The following PCDHGB6 variants were observed in gnomAD, a reference collection of about 807,000 sequenced individuals.
PCDHGB6 encodes the protein protocadherin gamma subfamily B, 6, also known as protocadherin gamma-B6.
Under a neutral mutation model 59.1 loss-of-function variants are expected in PCDHGB6, and 51 were observed. The ratio of observed to expected loss-of-function variants is 0.86; its 90% CI spans 0.69 to 1.09. The LOEUF (loss-of-function observed/expected upper bound fraction) is 1.09. Ranked by LOEUF, PCDHGB6 falls within the 50% of genes least tolerant of loss-of-function variation. The pLI is 0.00. For synonymous variants in PCDHGB6, 466 were observed against 495.1 expected (o/e 0.94, Z 0.78); for missense variants, 1,148 against 1,205.1 (o/e 0.95, Z 0.70).
chr5:141,503,418 A>G (rs1037754214), intron 2 of PCDHGB6, among the ~76,000 whole-genome samples: 1 of 151,528 alleles, frequency 6.6e-6, no homozygotes, highest in Admixed American at 6.6e-5. Context: ...AATATGGTGA[A>G]ACCCCATCTC....
chr5:141,441,656 C>A, intron 1 of PCDHGB6: 1 of 247,684 alleles, frequency 4.0e-6, no homozygotes, highest in Non-Finnish European at 8.1e-6. Flanking sequence ...TCTAGGTGTC[C>A]TTGAGCGCAC....
At position 141,415,428 on chromosome 5, in the gene PCDHGB6, G is replaced by T. The variant is rs948747218; in HGVS notation, c.2418+4808G>T. 1.5e-5 allele frequency: 24 copies of T among 1,614,088 alleles called. No individual in the cohort carries two copies. In the Admixed American group the frequency reaches 1.7e-4, roughly 11 times the overall value. ...ACTTTGTGGGCGTGGACGGGGTTCG[G>T]GCTTTCCTGCAGACCTATTCCCACG... On this transcript the variant is annotated intron_variant, in intron 1 of 3. Transcript: ENST00000520790.
chr5:141,500,277 C>T (rs1595660442), intron 2 of PCDHGB6, among the ~76,000 whole-genome samples: 1 of 151,718 alleles, frequency 6.6e-6, no homozygotes, highest in Non-Finnish European at 1.5e-5. Context: ...GGCGCAATCT[C>T]GGCTCACTGC....
At position 141,431,896 on chromosome 5, in the gene PCDHGB6, C is replaced by A. The variant is rs1292629023; in HGVS notation, c.2418+21276C>A. The A allele has an allele frequency of 6.2e-7, 1 of 1,613,940 alleles. No homozygotes were observed. The highest frequency in any genetic ancestry group is 1.3e-5 in the African/African-American group (1 of 74,924). On this transcript the variant is annotated intron_variant, in intron 1 of 3. Coordinates refer to ENST00000520790, the MANE Select transcript of PCDHGB6 (RefSeq NM_018926.3). This position sits in a 1 kb window ranked among gnomAD's most constrained non-coding sequence, Gnocchi z 4.8. Reference sequence around the variant, plus strand: ...TAAATGACCAAGATTCTGAGGAAAACGGACAGGTGATCTGTTTCATCCAAG... The same window carrying A: ...TAAATGACCAAGATTCTGAGGAAAAAGGACAGGTGATCTGTTTCATCCAAG...
At chr5:141,480,059 T>G (rs1169389701) in intron 1 of PCDHGB6, among the ~76,000 whole-genome samples, 1 of 152,096 alleles carries the variant, frequency 6.6e-6, no homozygotes, top group African/African-American at 2.4e-5. Context: ...GAATAATAAG[T>G]GTTTTATAAG....
At chr5:141,470,428 T>A (rs974038419) in intron 1 of PCDHGB6, among the ~76,000 whole-genome samples, 1 of 152,254 alleles carries the variant, frequency 6.6e-6, no homozygotes, top group Non-Finnish European at 1.5e-5. Flanking sequence ...TTTTTCCTTG[T>A]GTGCAATAAT....
At chr5:141,464,407 A>C (rs996561936) in intron 1 of PCDHGB6, among the ~76,000 whole-genome samples, 1 of 151,544 alleles carries the variant, frequency 6.6e-6, no homozygotes, top group Non-Finnish European at 1.5e-5. Flanking sequence ...CCTGAGATAT[A>C]TATATATCTA....
chr5:141,494,778 CA>C (rs1228639033), intron 1 of PCDHGB6, 28 bp from the exon 2 acceptor site: 1 of 1,614,086 alleles, frequency 6.2e-7, no homozygotes, highest in Admixed American at 1.7e-5. Flanking sequence ...CACGGGTACT[CA>C]GCCCCTTTCC....
intron 1 of PCDHGB6, 134 bp from the exon 2 acceptor site, chr5:141,494,673 C>A: frequency 6.5e-7 from 1 of 1,542,992 alleles, no homozygotes; most frequent in South Asian, 1.2e-5. Flanking sequence ...GATGAGTCCA[C>A]CCCTGCCCCC....
chr5:141,441,057 A>T (rs2098222263), intron 1 of PCDHGB6: 2 of 152,152 alleles, frequency 1.3e-5, no homozygotes, highest in South Asian at 4.1e-4. Flanking sequence ...ACTTTTAAAG[A>T]TTTTTAATTT....
intron 1 of PCDHGB6, chr5:141,423,692 G>T: frequency 7.1e-7 from 1 of 1,405,756 alleles, no homozygotes; most frequent in Non-Finnish European, 9.4e-7. Context: ...CCTAATTGTT[G>T]GTGTCTTGGC....
In PCDHGB6 at chr5:141,409,618, G is replaced by C; in HGVS notation, c.1416G>C (p.Ala472=). Residue 472 remains alanine (A), a synonymous_variant, in exon 1 of 4, where the codon GCG becomes GCC. Coordinates refer to ENST00000520790, the MANE Select transcript of PCDHGB6 (RefSeq NM_018926.3). ...AENNPPGASI[A]QVSASDPDLG... ...ACAACCCGCCAGGAGCCTCCATTGCGCAAGTGAGCGCCTCTGACCCGGATT... is the reference window on the plus strand; with the variant it reads ...ACAACCCGCCAGGAGCCTCCATTGCCCAAGTGAGCGCCTCTGACCCGGATT... 1 of 1,613,894 alleles carries C rather than the reference G, an allele frequency of 6.2e-7. No individual in the cohort carries two copies. The highest frequency in any genetic ancestry group is 8.5e-7 in the Non-Finnish European group (1 of 1,179,896).
At chr5:141,467,460 T>G (rs1354012953) in intron 1 of PCDHGB6, among the ~76,000 whole-genome samples, 1 of 152,246 alleles carries the variant, frequency 6.6e-6, no homozygotes. Context: ...CCAGTGCTAG[T>G]ACTTGCATGG....
intron 1 of PCDHGB6, among the ~76,000 whole-genome samples, chr5:141,451,062 T>C (rs1292296274): frequency 1.3e-5 from 2 of 151,500 alleles, no homozygotes; most frequent in Non-Finnish European, 2.9e-5. Flanking sequence ...ACTCCTGACC[T>C]TGTGATCCAC....
chr5:141,434,894 C>T (rs1316284716), intron 1 of PCDHGB6, among the ~76,000 whole-genome samples: 1 of 143,118 alleles, frequency 7.0e-6, no homozygotes, highest in East Asian at 2.1e-4. Flanking sequence ...AATCCAGTCC[C>T]CTTCCCTCAT....
intron 1 of PCDHGB6, among the ~76,000 whole-genome samples, chr5:141,438,579 CATACATACATACAT>C (rs1434774868): frequency 9.0e-5 from 5 of 55,782 alleles, no homozygotes; most frequent in Admixed American, 2.8e-4. Context: ...GATATACATA[CATACATACATACAT>C]ATATATATAT....
intron 1 of PCDHGB6, chr5:141,478,813 A>G (rs2099478658): frequency 4.8e-6 from 7 of 1,453,346 alleles, no homozygotes; most frequent in Non-Finnish European, 6.3e-6. Context: ...TGCTATCACA[A>G]CTAACCAATC....
chr5:141,421,058 A>G, intron 1 of PCDHGB6: 2 of 577,316 alleles, frequency 3.5e-6, no homozygotes, highest in Non-Finnish European at 3.0e-6. Context: ...TCTACCACAC[A>G]AAGCGGAATG....
intron 1 of PCDHGB6, among the ~76,000 whole-genome samples, chr5:141,447,983 G>A (rs1311439824): frequency 6.6e-6 from 1 of 151,972 alleles, no homozygotes; most frequent in Non-Finnish European, 1.5e-5. Context: ...CTACTCGGGA[G>A]GCTGAGGCAT....
Sources: allele counts gnomAD v4.1 joint callset (sites outside exome capture counted in the v4.1 genomes callset), GRCh38; gene constraint gnomAD v4.1.1; non-coding constraint Gnocchi (gnomAD v3.1); transcripts MANE v1.5; gene names NCBI Gene and HGNC (gene_info 2026-07-23, HGNC 2026-07-21).